FOXP1: variants seen among roughly 807,000 people sequenced by gnomAD.
FOXP1 encodes forkhead box P1.
A neutral mutation model predicts 98.2 loss-of-function variants in FOXP1; 15 were observed. That is an observed-to-expected ratio of 0.15 (90% CI 0.10 to 0.24). The LOEUF is 0.24. Ranked by LOEUF, FOXP1 falls within the 10% of genes least tolerant of loss-of-function variation. The probability of loss-of-function intolerance (pLI) is 1.00; values close to 1 mark genes in which losing one functional copy is unlikely to be tolerated. For missense variants in FOXP1, 633 were observed against 848.5 expected, an observed-to-expected ratio of 0.75 and a Z score of 3.15; for synonymous variants, 371 against 314.5, an observed-to-expected ratio of 1.18 and a Z score of -1.90.
At chr3:71,146,374 T>C (rs1046931558) in intron 6 of FOXP1, among the ~76,000 whole-genome samples, 1 of 152,086 alleles carries the variant, frequency 6.6e-6, no homozygotes, top group Non-Finnish European at 1.5e-5. Flanking sequence ...CATGAGAATG[T>C]CTTGGAAAGC....
rs2106849053 is a variant in FOXP1 at position 70,959,112 on chromosome 3, C to T, written c.*135G>A. On this transcript the variant is annotated 3_prime_UTR_variant, in exon 21 of 21. Coordinates refer to ENST00000649528, the MANE Select transcript of FOXP1 (RefSeq NM_001349338.3). Reference sequence around the variant, plus strand: ...GATGGCACTAAGAGTTAACACATTTCAGAGTTGTCAAAACGTAGTGAAAAT... The same window carrying T: ...GATGGCACTAAGAGTTAACACATTTTAGAGTTGTCAAAACGTAGTGAAAAT... 2 of 990,292 alleles carry T rather than the reference C, an allele frequency of 2.0e-6. No homozygotes were observed. Among genetic ancestry groups the T allele is most frequent in the East Asian group, 2.4e-5 (1 of 41,370 alleles). 61.3% of individuals were successfully genotyped at this position (990,292 alleles called of 1,614,324 possible).
chr3:71,530,231 C>T (rs559678694), intron 2 of FOXP1, among the ~76,000 whole-genome samples: 1 of 152,244 alleles, frequency 6.6e-6, no homozygotes, highest in African/African-American at 2.4e-5. Context: ...CAGGCCTCTG[C>T]CCCCATGAAT....
intron 6 of FOXP1, among the ~76,000 whole-genome samples, chr3:71,179,134 CTTT>C (rs34816512): frequency 0.019 from 2,352 of 124,752 alleles, 64 homozygotes; most frequent in African/African-American, 0.065. Context: ...TCTTAACAAT[CTTT>C]TTTTTTTTTT....
chr3:71,561,948 T>C (rs2046574298), intron 2 of FOXP1, among the ~76,000 whole-genome samples: 1 of 152,198 alleles, frequency 6.6e-6, no homozygotes. Flanking sequence ...TTTTTCATCT[T>C]CTACTTGCAA....
intron 5 of FOXP1, among the ~76,000 whole-genome samples, chr3:71,277,582 A>G (rs1288698): frequency 0.15 from 22,841 of 151,824 alleles, 1,874 homozygotes; most frequent in African/African-American, 0.18. Flanking sequence ...TGCAGCCTCT[A>G]ACTCCTCCCT....
At chr3:71,310,461 C>T (rs1362805083) in intron 4 of FOXP1, among the ~76,000 whole-genome samples, 2 of 152,186 alleles carry the variant, frequency 1.3e-5, no homozygotes, top group Middle Eastern at 3.2e-3. Context: ...CACAGGCAAA[C>T]TCTACTCTTT....
intron 7 of FOXP1, among the ~76,000 whole-genome samples, chr3:71,081,741 A>G (rs2054444668): frequency 6.6e-6 from 1 of 152,228 alleles, no homozygotes; most frequent in African/African-American, 2.4e-5. Context: ...AAGGCACAAG[A>G]CAAGATTTAA....
chr3:71,231,782 G>A (rs2066308723), intron 5 of FOXP1, among the ~76,000 whole-genome samples: 1 of 152,186 alleles, frequency 6.6e-6, no homozygotes, highest in South Asian at 2.1e-4. Flanking sequence ...GATTCAACTA[G>A]ATTATGGTCT....
At chr3:70,960,373 C>G (rs1046415220) in intron 20 of FOXP1, among the ~76,000 whole-genome samples, 1 of 152,080 alleles carries the variant, frequency 6.6e-6, no homozygotes, top group Non-Finnish European at 1.5e-5. Context: ...AGCGTGGTTG[C>G]GATGAGGTCT....
At chr3:71,531,706 T>G (rs950216899) in intron 2 of FOXP1, among the ~76,000 whole-genome samples, 5 of 152,184 alleles carry the variant, frequency 3.3e-5, no homozygotes, top group African/African-American at 9.7e-5. Context: ...TAGGTAAAGG[T>G]AACCATCTTC....
intron 5 of FOXP1, among the ~76,000 whole-genome samples, chr3:71,294,602 A>G (rs1398988472): frequency 6.6e-6 from 1 of 152,074 alleles, no homozygotes; most frequent in Non-Finnish European, 1.5e-5. Context: ...TAATATATGT[A>G]TGTATGTACA....
intron 11 of FOXP1, among the ~76,000 whole-genome samples, chr3:71,018,816 G>T (rs906843055): frequency 2.0e-5 from 3 of 152,166 alleles, no homozygotes; most frequent in Admixed American, 2.0e-4. Context: ...TACATCTTTT[G>T]AAGTTTTAAT....
At chr3:71,421,188 A>T (rs1273654906) in intron 3 of FOXP1, among the ~76,000 whole-genome samples, 1 of 152,176 alleles carries the variant, frequency 6.6e-6, no homozygotes, top group African/African-American at 2.4e-5. Context: ...CTGAGCGACA[A>T]ATTCTTTGGG....
chr3:71,439,888 T>G (rs79095608), intron 3 of FOXP1, among the ~76,000 whole-genome samples: 6,969 of 151,154 alleles, frequency 0.046, 521 homozygotes, highest in African/African-American at 0.16. Context: ...GGGGGTTTCA[T>G]TGATCGGAGA....
At chr3:71,254,888 C>T (rs544430188) in intron 5 of FOXP1, among the ~76,000 whole-genome samples, 48 of 152,292 alleles carry the variant, frequency 3.2e-4, no homozygotes, top group African/African-American at 1.0e-3. Flanking sequence ...TGACAAAATG[C>T]CCAGCATTGC....
intron 7 of FOXP1, among the ~76,000 whole-genome samples, chr3:71,109,954 G>C (rs1012667344): frequency 6.6e-6 from 1 of 152,056 alleles, no homozygotes; most frequent in African/African-American, 2.4e-5. Flanking sequence ...GGGGGGTAGG[G>C]GAAAAACTCA....
At chr3:71,181,698 G>A (rs2062305248) in intron 6 of FOXP1, among the ~76,000 whole-genome samples, 1 of 152,124 alleles carries the variant, frequency 6.6e-6, no homozygotes, top group African/African-American at 2.4e-5. Context: ...ACACAGACTG[G>A]GAAGAAACTT....
chr3:71,178,727 C>CA (rs998400799), intron 6 of FOXP1, among the ~76,000 whole-genome samples: 35 of 151,604 alleles, frequency 2.3e-4, no homozygotes, highest in African/African-American at 8.2e-4. Flanking sequence ...ACTAAAAATA[C>CA]AAAAAAATTA....
intron 20 of FOXP1, among the ~76,000 whole-genome samples, chr3:70,961,053 C>G (rs185761256): frequency 1.3e-5 from 2 of 151,860 alleles, no homozygotes; most frequent in African/African-American, 4.8e-5. Flanking sequence ...ACCGTGGTCT[C>G]GATCTCCTGA....
Sources: allele counts gnomAD v4.1 joint callset (sites outside exome capture counted in the v4.1 genomes callset), GRCh38; gene constraint gnomAD v4.1.1; transcripts MANE v1.5; gene names NCBI Gene and HGNC (gene_info 2026-07-23, HGNC 2026-07-21).